The following LSM3 variants were observed in gnomAD, a reference collection of about 807,000 sequenced individuals.
LSM3 encodes the protein LSM3 homolog, U6 small nuclear RNA and mRNA degradation associated.
Under a neutral mutation model 15.4 loss-of-function variants are expected in LSM3, and 14 were observed. The ratio of observed to expected loss-of-function variants is 0.91; its 90% CI spans 0.60 to 1.42. LSM3 has a LOEUF of 1.42. Ranked by LOEUF, LSM3 falls within the 40% of genes most tolerant of loss-of-function variation. LSM3 has a pLI of 0.00. For synonymous variants in LSM3, 46 were observed against 45.1 expected (o/e 1.02, Z -0.08); for missense variants, 88 against 127.9 (o/e 0.69, Z 1.50).
intron 3 of LSM3, among the ~76,000 whole-genome samples, chr3:14,185,344 T>G (rs1697078857): frequency 6.6e-6 from 1 of 151,308 alleles, no homozygotes; most frequent in Admixed American, 6.6e-5. Flanking sequence ...AGAGTAAGAC[T>G]CTGTCTCAAA....
chr3:14,194,846 G>C (rs12107802), intron 3 of LSM3, among the ~76,000 whole-genome samples: 21 of 132,060 alleles, frequency 1.6e-4, no homozygotes, highest in African/African-American at 4.9e-4. Context: ...CCTTGTACTA[G>C]AGTCGCCTTC....
intron 3 of LSM3, among the ~76,000 whole-genome samples, chr3:14,184,825 G>A (rs1022058103): frequency 6.6e-6 from 1 of 152,012 alleles, no homozygotes; most frequent in African/African-American, 2.4e-5. Flanking sequence ...GGAGGCTGAG[G>A]CAGGTGGATC....
At position 14,199,794 on chromosome 3, in the gene LSM3, G is replaced by C. The variant is rs1244549431; in HGVS notation, c.*1678G>C. ...CAACCTCAAAGACCTCAGGCCGCCTGTGGTCATTAGTATGTGGCAGCAAGA... is the reference window on the plus strand; with the variant it reads ...CAACCTCAAAGACCTCAGGCCGCCTCTGGTCATTAGTATGTGGCAGCAAGA... On this transcript the variant is annotated 3_prime_UTR_variant, in exon 4 of 4. Coordinates refer to ENST00000306024, the MANE Select transcript of LSM3 (RefSeq NM_014463.3). The C allele has an allele frequency of 6.6e-6, 1 of 152,300 alleles. No individual in the cohort carries two copies. Among genetic ancestry groups the C allele is most frequent in the African/African-American group, 2.4e-5 (1 of 41,458 alleles). The allele number at this position is 152,300 out of a possible 1,614,324, so 9.4% of individuals were successfully genotyped here. A position where few individuals can be genotyped will look rare whatever the true frequency, so the allele number is the denominator to read the frequency against.
At chr3:14,178,972 C>T in intron 1 of LSM3, 91 bp downstream of exon 1, 1 of 1,388,558 alleles carries the variant, frequency 7.2e-7, no homozygotes, top group Non-Finnish European at 1.0e-6. Context: ...CGTGCCTCCT[C>T]TCTCCAAGTC....
In LSM3 at chr3:14,184,041, T is replaced by A; in HGVS notation, c.228+9T>A. 1 of 1,600,802 alleles carries A rather than the reference T, an allele frequency of 6.2e-7. No individual in the cohort carries two copies. The highest frequency in any genetic ancestry group is 2.2e-5 in the East Asian group (1 of 44,570). ...ATGAAGAGATATATAAAGTAAGTCA[T>A]GCAATTCTATTCATTGCTTTGCAAA... On this transcript the variant is annotated intron_variant, in intron 3 of 3. Coordinates refer to ENST00000306024, the MANE Select transcript of LSM3 (RefSeq NM_014463.3).
At chr3:14,187,369 C>G (rs781011089) in intron 3 of LSM3, among the ~76,000 whole-genome samples, 10 of 152,206 alleles carry the variant, frequency 6.6e-5, no homozygotes, top group African/African-American at 1.4e-4. Context: ...CAGCTGAGAA[C>G]AGTAAGCAAA....
rs570576939 is a variant in LSM3 at position 14,197,129 on chromosome 3, CTT to C, written c.229-906_229-905del. Among the ~76,000 whole-genome samples the C allele has an allele frequency of 8.5e-4, 129 of 152,322 alleles. 2 individuals are homozygous for C. The highest frequency in any genetic ancestry group is 3.0e-3 in the Admixed American group (46 of 15,304). ...TTGTTTCTCAAAGCCTTTTTTCATA[CTT>C]ATTTCTGTAACTTGGGGTCTAAAAG... On this transcript the variant is annotated intron_variant, in intron 3 of 3. Coordinates refer to ENST00000306024, the MANE Select transcript of LSM3 (RefSeq NM_014463.3).
intron 3 of LSM3, among the ~76,000 whole-genome samples, chr3:14,195,663 C>T (rs1416520612): frequency 2.6e-5 from 4 of 152,160 alleles, no homozygotes; most frequent in South Asian, 2.1e-4. Flanking sequence ...AATGGTCTTC[C>T]CTGAGAGCAT....
Position 14,184,074 on chromosome 3 carries a change from T to A in LSM3, c.228+42T>A, listed in dbSNP as rs1198104467. The A allele has an allele frequency of 2.5e-6, 4 of 1,576,940 alleles. No homozygotes were observed. In the African/African-American group the frequency reaches 5.5e-5, roughly 22 times the overall value. On this transcript the variant is annotated intron_variant, in intron 3 of 3. Transcript: ENST00000306024. ...TATTCATTGCTTTGCAAATATCAGC[T>A]GTTCTCTCTCGAACAGCTTAACCCA...
intron 3 of LSM3, among the ~76,000 whole-genome samples, chr3:14,186,006 G>A (rs1697085167): frequency 6.6e-6 from 1 of 152,058 alleles, no homozygotes; most frequent in Non-Finnish European, 1.5e-5. Context: ...CCGCCTCCCA[G>A]GTTCAAGCAA....
intron 3 of LSM3, among the ~76,000 whole-genome samples, chr3:14,190,553 G>A (rs1697129966): frequency 6.6e-6 from 1 of 152,084 alleles, no homozygotes; most frequent in South Asian, 2.1e-4. Context: ...TCTCTTAGTA[G>A]CAATTGTGAA....
Position 14,182,088 on chromosome 3 carries a change from C to T in LSM3, c.132+418C>T, listed in dbSNP as rs140420428. Among the ~76,000 whole-genome samples the T allele has an allele frequency of 6.6e-5, 10 of 152,308 alleles. No individual in the cohort carries two copies. In the East Asian group the frequency reaches 1.3e-3, roughly 21 times the overall value. ...GGATTATCTTGGCCAGGTGCAGTGG[C>T]TCATTCCTGTAATCTCAGCACTTTG... On this transcript the variant is annotated intron_variant, in intron 2 of 3. Transcript: ENST00000306024.
chr3:14,178,890 A>G lies in LSM3; in HGVS notation c.21+9A>G. 3.1e-6 allele frequency: 5 copies of G among 1,614,144 alleles called. No homozygotes were observed. In the South Asian group the frequency reaches 4.4e-5, roughly 14 times the overall value. On this transcript the variant is annotated intron_variant, in intron 1 of 3. Coordinates refer to ENST00000306024, the MANE Select transcript of LSM3 (RefSeq NM_014463.3). ...CGGACGACGTAGACCAGGTAAGTGT[A>G]TTTTAAGGAGGTCGCTCGAAGGAGC...
Position 14,198,087 on chromosome 3 carries a change from C to CT in LSM3, c.281dup (p.Val95GlyfsTer28). 1 of 1,613,548 alleles carries CT rather than the reference C, an allele frequency of 6.2e-7. No individual in the cohort carries two copies. The highest frequency in any genetic ancestry group is 1.1e-5 in the South Asian group (1 of 91,040). The stretch of plus-strand genomic sequence containing the variant: ...CTTTGTCCGGGGAGATGGCGTTGTC[C>CT]TGGTTGCCCCTCCACTGAGAGTTGG... On this transcript the variant is annotated frameshift_variant, in exon 4 of 4. Transcript: ENST00000306024. LOFTEE classifies it high-confidence loss of function.
rs570554965 is a variant in LSM3, at chr3:14,199,403, G to A, written c.*1287G>A. On this transcript the variant is annotated 3_prime_UTR_variant, in exon 4 of 4. Transcript: ENST00000306024. ...TTTTGAAATGTAGAAAATCCAACTT[G>A]TGGATGGTTTGTCTGTAAATGAGCT... is the stretch of plus-strand genomic sequence containing the variant. 3 of 152,342 alleles carry A rather than the reference G, an allele frequency of 2.0e-5. No homozygotes were observed. Among genetic ancestry groups the A allele is most frequent in the Admixed American group, 2.0e-4 (3 of 15,302 alleles). The allele number at this position is 152,342 out of a possible 1,614,324, so 9.4% of individuals were successfully genotyped here.
At position 14,198,686 on chromosome 3, in the gene LSM3, C is replaced by G. The variant is rs3733172; in HGVS notation, c.*570C>G. On this transcript the variant is annotated 3_prime_UTR_variant, in exon 4 of 4. Coordinates refer to ENST00000306024, the MANE Select transcript of LSM3 (RefSeq NM_014463.3). ...CCAGCCTGGCCAACATGGTGAAACC[C>G]TTTCTCTACTGAAAATATAAAAATT... The G allele has an allele frequency of 0.071, 10,896 of 152,654 alleles. 441 individuals are homozygous for G. The highest frequency in any genetic ancestry group is 0.11 in the South Asian group (512 of 4,850). The allele number at this position is 152,654 out of a possible 1,614,324, so 9.5% of individuals were successfully genotyped here. A position where few individuals can be genotyped will look rare whatever the true frequency, so the allele number is the denominator to read the frequency against.
chr3:14,197,207 A>G (rs543911145), intron 3 of LSM3, among the ~76,000 whole-genome samples: 3 of 152,308 alleles, frequency 2.0e-5, no homozygotes, highest in African/African-American at 7.2e-5. Flanking sequence ...TCTCTGCTTG[A>G]AAACCAACTA....
Position 14,183,937 on chromosome 3 carries a change from G to A in LSM3, c.133G>A (p.Ala45Thr), listed in dbSNP as rs1454958607. ...NDRELRGRLH[A>T]YDQHLNMILG... ...TTGGTTCTGTACCCTCCCACTTTAGGCTTATGATCAACATTTAAATATGAT... is the reference window on the plus strand; with the variant it reads ...TTGGTTCTGTACCCTCCCACTTTAGACTTATGATCAACATTTAAATATGAT... Residue 45 changes from alanine to threonine, a missense_variant and splice_region_variant, in exon 3 of 4, where the codon GCT (alanine) becomes ACT (threonine). Physicochemically the swap from Ala to Thr is moderately conservative, Grantham distance 58 (BLOSUM62 0). Transcript: ENST00000306024. 19 of 1,597,440 alleles carry A rather than the reference G, an allele frequency of 1.2e-5. No individual in the cohort carries two copies. Among genetic ancestry groups the A allele is most frequent in the Non-Finnish European group, 1.6e-5 (19 of 1,173,492 alleles).
chr3:14,178,890 A>AT lies in LSM3; in HGVS notation c.21+13dup. 2 of 1,614,144 alleles carry AT rather than the reference A, an allele frequency of 1.2e-6. No individual in the cohort carries two copies. The highest frequency in any genetic ancestry group is 1.1e-5 in the South Asian group (1 of 91,078). ...CGGACGACGTAGACCAGGTAAGTGTATTTTAAGGAGGTCGCTCGAAGGAGC... is the reference window on the plus strand; with the variant it reads ...CGGACGACGTAGACCAGGTAAGTGTATTTTTAAGGAGGTCGCTCGAAGGAGC... On this transcript the variant is annotated intron_variant, in intron 1 of 3. Coordinates refer to ENST00000306024, the MANE Select transcript of LSM3 (RefSeq NM_014463.3).
Sources: allele counts gnomAD v4.1 joint callset (sites outside exome capture counted in the v4.1 genomes callset), GRCh38; gene constraint gnomAD v4.1.1; transcripts MANE v1.5; gene names NCBI Gene and HGNC (gene_info 2026-07-23, HGNC 2026-07-21).